The following FER variants were observed in gnomAD, a reference collection of about 807,000 sequenced individuals.
FER encodes the protein FER tyrosine kinase, also known as tyrosine-protein kinase Fer.
In FER, 63 loss-of-function variants were observed where a neutral mutation model predicts 111.0. The ratio of observed to expected loss-of-function variants is 0.57; its 90% CI spans 0.46 to 0.70. The LOEUF (loss-of-function observed/expected upper bound fraction) is 0.70. Ranked by LOEUF, FER falls within the 30% of genes least tolerant of loss-of-function variation. FER has a pLI of 0.00. For missense variants in FER, 914 were observed against 954.0 expected (o/e 0.96, Z 0.55); for synonymous variants, 327 against 313.9 (o/e 1.04, Z -0.44).
chr5:109,071,712 G>A (rs1437201784), intron 16 of FER, among the ~76,000 whole-genome samples: 2 of 151,648 alleles, frequency 1.3e-5, no homozygotes, highest in Non-Finnish European at 3.0e-5. Context: ...AGAGGACACG[G>A]GGAATTTTTA....
chr5:109,044,690 G>C lies in FER; in HGVS notation c.1724G>C (p.Gly575Ala), dbSNP rs1771696777. 2 of 1,523,642 alleles carry C rather than the reference G, an allele frequency of 1.3e-6. No individual in the cohort carries two copies. The highest frequency in any genetic ancestry group is 1.8e-6 in the Non-Finnish European group (2 of 1,129,356). 94.4% of individuals were successfully genotyped at this position (1,523,642 alleles called of 1,614,324 possible). ...TATTTCTATTTTCAGGGAAATTTTG[G>C]TGAAGTATATAAGGGCACATTAAAG... Reference protein sequence around the residue: ...LGELLGKGNFGEVYKGTLKDK... With the variant: ...LGELLGKGNFAEVYKGTLKDK... Residue 575 changes from glycine to alanine, a missense_variant, in exon 15 of 20, where the codon GGT becomes GCT. Coordinates refer to ENST00000281092, the MANE Select transcript of FER (RefSeq NM_005246.4).
chr5:108,938,026 T>TCACACACACA (rs201092702), intron 10 of FER, among the ~76,000 whole-genome samples: 2 of 130,826 alleles, frequency 1.5e-5, no homozygotes, highest in African/African-American at 3.0e-5. Context: ...TATCTCTCTC[T>TCACACACACA]CACACACACA....
At chr5:109,101,078 C>T (rs1351322473) in intron 17 of FER, among the ~76,000 whole-genome samples, 1 of 151,810 alleles carries the variant, frequency 6.6e-6, no homozygotes, top group Non-Finnish European at 1.5e-5. Flanking sequence ...TTTTATGAAA[C>T]TTGTTCTGAT....
At chr5:108,752,754 T>A (rs1324600558) in intron 1 of FER, among the ~76,000 whole-genome samples, 1 of 152,072 alleles carries the variant, frequency 6.6e-6, no homozygotes, top group Non-Finnish European at 1.5e-5. Context: ...ATTACATAAT[T>A]CAGCTTTAAA....
intron 17 of FER, among the ~76,000 whole-genome samples, chr5:109,116,533 A>G (rs1274323044): frequency 1.3e-5 from 2 of 152,160 alleles, no homozygotes; most frequent in African/African-American, 4.8e-5. Context: ...TTAAGGAATC[A>G]ATGATTCTTT....
At chr5:108,837,068 T>A (rs112399676) in intron 5 of FER, among the ~76,000 whole-genome samples, 1 of 152,196 alleles carries the variant, frequency 6.6e-6, no homozygotes, top group East Asian at 1.9e-4. Flanking sequence ...TCTAAATTAT[T>A]TTAGTGAAGC....
At chr5:109,076,304 A>C (rs543682286) in intron 16 of FER, among the ~76,000 whole-genome samples, 3 of 152,194 alleles carry the variant, frequency 2.0e-5, no homozygotes, top group Admixed American at 6.5e-5. Flanking sequence ...CTTTATTACT[A>C]TGCTTTCATT....
chr5:109,059,387 G>T (rs1247763044), intron 16 of FER, among the ~76,000 whole-genome samples: 1 of 151,862 alleles, frequency 6.6e-6, no homozygotes, highest in Non-Finnish European at 1.5e-5. Flanking sequence ...AATTAGCTGG[G>T]TGTGGTGGCG....
chr5:108,930,300 C>T (rs1331738464), intron 10 of FER, among the ~76,000 whole-genome samples: 1 of 147,068 alleles, frequency 6.8e-6, no homozygotes, highest in Non-Finnish European at 1.5e-5. Context: ...GCATAAGCCT[C>T]CGTGCCTGGC....
At chr5:109,047,848 G>T (rs1327769872) in intron 16 of FER, among the ~76,000 whole-genome samples, 1 of 152,140 alleles carries the variant, frequency 6.6e-6, no homozygotes, top group African/African-American at 2.4e-5. Context: ...CTATGAATAT[G>T]TCTTGGTATT....
intron 17 of FER, among the ~76,000 whole-genome samples, chr5:109,146,208 T>TCTG (rs1554148239): frequency 3.4e-5 from 3 of 88,460 alleles, no homozygotes; most frequent in South Asian, 6.2e-4. Flanking sequence ...AATCTATCTA[T>TCTG]TTTATATATA....
At chr5:108,898,687 C>CT (rs1374706928) in intron 10 of FER, among the ~76,000 whole-genome samples, 1 of 147,408 alleles carries the variant, frequency 6.8e-6, no homozygotes, top group East Asian at 2.0e-4. Flanking sequence ...CTTCCTCTTT[C>CT]TTTCTTTATC....
chr5:109,122,817 T>C (rs1025612130), intron 17 of FER, among the ~76,000 whole-genome samples: 1 of 152,220 alleles, frequency 6.6e-6, no homozygotes, highest in Non-Finnish European at 1.5e-5. Flanking sequence ...CATTATATAA[T>C]GACCTTCTTT....
chr5:108,933,996 G>A (rs954364183), intron 10 of FER, among the ~76,000 whole-genome samples: 1 of 152,030 alleles, frequency 6.6e-6, no homozygotes, highest in South Asian at 2.1e-4. Context: ...AGGAGATTTT[G>A]GCTGAGACGA....
chr5:108,842,631 C>A (rs1482066183), intron 5 of FER: 1 of 151,984 alleles, frequency 6.6e-6, no homozygotes, highest in East Asian at 1.9e-4. Flanking sequence ...AGGTAACAAA[C>A]CTATGAAAAA....
intron 13 of FER, among the ~76,000 whole-genome samples, chr5:109,003,917 C>T (rs1338497362): frequency 6.6e-6 from 1 of 152,150 alleles, no homozygotes; most frequent in Non-Finnish European, 1.5e-5. Flanking sequence ...GGGGTTGAGG[C>T]TGTAGTGAGC....
At chr5:109,073,516 T>A (rs1431794377) in intron 16 of FER, among the ~76,000 whole-genome samples, 1 of 152,148 alleles carries the variant, frequency 6.6e-6, no homozygotes, top group Non-Finnish European at 1.5e-5. Context: ...CCTTAGCATG[T>A]CTTTGTTTTG....
intron 17 of FER, among the ~76,000 whole-genome samples, chr5:109,172,378 G>C (rs192592524): frequency 6.7e-6 from 1 of 149,718 alleles, no homozygotes; most frequent in African/African-American, 2.5e-5. Flanking sequence ...GTAAACTATC[G>C]CAAGGACAAA....
At chr5:109,104,170 T>C (rs1359429919) in intron 17 of FER, among the ~76,000 whole-genome samples, 1 of 152,240 alleles carries the variant, frequency 6.6e-6, no homozygotes, top group Non-Finnish European at 1.5e-5. Flanking sequence ...GATTTTTGTT[T>C]ATCATGGAGT....
Sources: gnomAD v4.1 joint callset for allele counts (sites outside exome capture counted in the v4.1 genomes callset) on GRCh38, gnomAD v4.1.1 for gene constraint, MANE v1.5 for transcripts, NCBI Gene and HGNC (gene_info 2026-07-23, HGNC 2026-07-21) for gene names.